The following RAD51C variants were observed in gnomAD, a reference collection of about 807,000 sequenced individuals.
The protein encoded by RAD51C is DNA repair protein RAD51 homolog 3.
Under a neutral mutation model 45.0 loss-of-function variants are expected in RAD51C, and 42 were observed. That is an observed-to-expected ratio of 0.93 (90% CI 0.73 to 1.21). The LOEUF is 1.21. RAD51C is among the 50% of genes most tolerant of loss of function. The probability of loss-of-function intolerance (pLI) is 0.00; values close to 1 mark genes in which losing one functional copy is unlikely to be tolerated. For synonymous variants in RAD51C, 172 were observed against 159.8 expected, an observed-to-expected ratio of 1.08 and a Z score of -0.58; for missense variants, 474 against 452.2, an observed-to-expected ratio of 1.05 and a Z score of -0.44.
At chr17:58,731,708 A>C (rs1313705483) in intron 7 of RAD51C, among the ~76,000 whole-genome samples, 1 of 152,192 alleles carries the variant, frequency 6.6e-6, no homozygotes, top group Non-Finnish European at 1.5e-5. Flanking sequence ...CCACCTAAGC[A>C]GATCTTGTTC....
At chr17:58,723,456 C>T (rs906262946) in intron 6 of RAD51C, among the ~76,000 whole-genome samples, 6 of 151,576 alleles carry the variant, frequency 4.0e-5, no homozygotes, top group Non-Finnish European at 8.8e-5. Context: ...GCCTCGTATG[C>T]TCTCCCCCCA....
intron 7 of RAD51C, among the ~76,000 whole-genome samples, chr17:58,726,361 G>A (rs1464863230): frequency 6.6e-6 from 1 of 150,600 alleles, no homozygotes; most frequent in Non-Finnish European, 1.5e-5. Context: ...GCAAAGCACT[G>A]TATGTATATA....
At chr17:58,699,809 G>A (rs1266597991) in intron 3 of RAD51C, 1 of 151,844 alleles carries the variant, frequency 6.6e-6, no homozygotes, top group Non-Finnish European at 1.5e-5. Flanking sequence ...CCTTTGTCTT[G>A]TTACTTCTCT....
At chr17:58,694,624 G>A (rs1405976313) in intron 1 of RAD51C, 1 of 363,678 alleles carries the variant, frequency 2.7e-6, no homozygotes, top group Non-Finnish European at 5.3e-6. Context: ...TATAACGCGT[G>A]CCACCATGCC....
chr17:58,694,796 G>A, intron 1 of RAD51C, 135 bp from the exon 2 acceptor site: 1 of 930,180 alleles, frequency 1.1e-6, no homozygotes, highest in Non-Finnish European at 1.7e-6. Context: ...TTAAATGGTT[G>A]ATAGAATGTT....
chr17:58,726,966 G>T (rs371197880), intron 7 of RAD51C, among the ~76,000 whole-genome samples: 1 of 151,894 alleles, frequency 6.6e-6, no homozygotes, highest in African/African-American at 2.4e-5. Flanking sequence ...TACTACAGGC[G>T]CCTGCCACCA....
intron 7 of RAD51C, 119 bp from the exon 8 acceptor site, chr17:58,732,365 G>GA: frequency 2.4e-6 from 2 of 831,980 alleles, no homozygotes; most frequent in African/African-American, 1.7e-5. Flanking sequence ...TGTTCTTAGA[G>GA]AAAAAATAGA....
Position 58,696,814 on chromosome 17 carries a change from T to C in RAD51C, c.526T>C (p.Cys176Arg), listed in dbSNP as rs2048031436. 20 of 1,614,190 alleles carry C rather than the reference T, an allele frequency of 1.2e-5. No homozygotes were observed. The highest frequency in any genetic ancestry group is 1.7e-5 in the Non-Finnish European group (20 of 1,180,022). Residue 176 changes from cysteine (C) to arginine (R), a missense_variant, in exon 3 of 9, where the codon TGC (cysteine) becomes CGC (arginine). By Grantham distance (180) the Cys-to-Arg change is radical (BLOSUM62 -3). Coordinates refer to ENST00000337432, the MANE Select transcript of RAD51C (RefSeq NM_058216.3). ...VDRVVDLATACIQHLQLIAEK... is the reference protein window; with the variant it reads ...VDRVVDLATARIQHLQLIAEK... ...TAGAGTGGTAGACCTTGCTACTGCC[T>C]GCATTCAGCACCTTCAGCTTATAGC...
chr17:58,734,515 C>A lies in RAD51C; in HGVS notation c.*293C>A. 2 of 423,854 alleles carry A rather than the reference C, an allele frequency of 4.7e-6. No homozygotes were observed. The highest frequency in any genetic ancestry group is 4.0e-5 in the Admixed American group (1 of 24,856). The allele number at this position is 423,854 out of a possible 1,614,324, so 26.3% of individuals were successfully genotyped here. On this transcript the variant is annotated 3_prime_UTR_variant, in exon 9 of 9. Transcript: ENST00000337432. ...ATGTGGCCAGTCTGAATTTACCATT[C>A]ATACTGTTTTCACCCCTTTCTTTCC...
rs144404697 is a variant in RAD51C, at chr17:58,729,374, C to T, written c.966-3110C>T. Among the ~76,000 whole-genome samples, 397 of 151,868 alleles carry T rather than the reference C, an allele frequency of 2.6e-3. 13 individuals are homozygous for T. The East Asian group carries it at 0.071, about 27-fold the overall frequency. On this transcript the variant is annotated intron_variant, in intron 7 of 8. Coordinates refer to ENST00000337432, the MANE Select transcript of RAD51C (RefSeq NM_058216.3). The stretch of plus-strand genomic sequence containing the variant: ...CTGGGATTACAGGCATGCACCACCA[C>T]GCCTGGCTAATTTTTTGTATTTTTA...
At chr17:58,722,022 CAG>C (rs979209265) in intron 6 of RAD51C, among the ~76,000 whole-genome samples, 1 of 152,078 alleles carries the variant, frequency 6.6e-6, no homozygotes, top group African/African-American at 2.4e-5. Flanking sequence ...TGGATCCACT[CAG>C]GGGTAATCAA....
chr17:58,709,074 C>T (rs890124373), intron 4 of RAD51C, among the ~76,000 whole-genome samples: 1 of 147,922 alleles, frequency 6.8e-6, no homozygotes, highest in African/African-American at 2.5e-5. Context: ...ATAATTATTC[C>T]TTTTTCTTTT....
rs1218174400 is a variant in RAD51C, at chr17:58,703,407, C to T, written c.705+78C>T. 4.8e-6 allele frequency: 7 copies of T among 1,470,732 alleles called. No homozygotes were observed. In the East Asian group the frequency reaches 9.1e-5, roughly 19 times the overall value. The allele number at this position is 1,470,732 out of a possible 1,614,324, so 91.1% of individuals were successfully genotyped here. A position where few individuals can be genotyped will look rare whatever the true frequency, so the allele number is the denominator to read the frequency against. On this transcript the variant is annotated intron_variant, in intron 4 of 8. Transcript: ENST00000337432. ...GATAAGCATGAAAAAATAACCAGTA[C>T]AGTAGCATAAAATCAAAGTCAAAGC...
At chr17:58,712,043 A>AG (rs1157984738) in intron 5 of RAD51C, among the ~76,000 whole-genome samples, 1 of 152,070 alleles carries the variant, frequency 6.6e-6, no homozygotes, top group Non-Finnish European at 1.5e-5. Flanking sequence ...TCTAAAAAAA[A>AG]AAATACATAA....
At chr17:58,712,084 C>T (rs1170701330) in intron 5 of RAD51C, among the ~76,000 whole-genome samples, 5 of 151,534 alleles carry the variant, frequency 3.3e-5, no homozygotes, top group Non-Finnish European at 7.4e-5. Flanking sequence ...CACGGCGGCT[C>T]ACATCTGTAA....
In RAD51C at chr17:58,694,700, C is replaced by T. The variant is rs1437364535; in HGVS notation, c.146-231C>T. ...ATGTTGGCCAGGCTGGTCTTCAACTCCTGACCTCAGGTGATCTGGCTGCCT... is the reference window on the plus strand; with the variant it reads ...ATGTTGGCCAGGCTGGTCTTCAACTTCTGACCTCAGGTGATCTGGCTGCCT... On this transcript the variant is annotated intron_variant, in intron 1 of 8. Transcript: ENST00000337432. The T allele has an allele frequency of 8.0e-6, 4 of 502,720 alleles. 1 individual carries two copies. Among genetic ancestry groups the T allele is most frequent in the Non-Finnish European group, 1.4e-5 (4 of 277,320 alleles). 31.1% of individuals were successfully genotyped at this position (502,720 alleles called of 1,614,324 possible). A position where few individuals can be genotyped will look rare whatever the true frequency, so the allele number is the denominator to read the frequency against.
At chr17:58,696,389 C>T (rs1332559228) in intron 2 of RAD51C, among the ~76,000 whole-genome samples, 1 of 152,042 alleles carries the variant, frequency 6.6e-6, no homozygotes. Flanking sequence ...GCCTGGATCA[C>T]GTCACTGCAC....
chr17:58,700,269 G>A (rs1164049011), intron 3 of RAD51C: 2 of 152,022 alleles, frequency 1.3e-5, no homozygotes, highest in East Asian at 3.9e-4. Flanking sequence ...TTGTCAGTCC[G>A]ATTTACAGGG....
At position 58,704,914 on chromosome 17, in the gene RAD51C, AT is replaced by A. The variant is rs551068968; in HGVS notation, c.705+1595del. On this transcript the variant is annotated intron_variant, in intron 4 of 8. Transcript: ENST00000337432. ...TTTATTTATTTTAATTAATTAATTA[AT>A]TTTTTTTTTGAGTCGCCCAGTCTGA... Among the ~76,000 whole-genome samples the A allele has an allele frequency of 6.0e-3, 894 of 149,318 alleles. 3 individuals are homozygous for A. The highest frequency in any genetic ancestry group is 9.0e-3 in the Non-Finnish European group (608 of 67,228).
Sources: allele counts gnomAD v4.1 joint callset (sites outside exome capture counted in the v4.1 genomes callset), GRCh38; gene constraint gnomAD v4.1.1; transcripts MANE v1.5; gene names NCBI Gene and HGNC (gene_info 2026-07-23, HGNC 2026-07-21).